RB1: variants seen among roughly 807,000 people sequenced by gnomAD.
RB1 encodes RB transcriptional corepressor 1.
A neutral mutation model predicts 135.4 loss-of-function variants in RB1; 18 were observed. The ratio of observed to expected loss-of-function variants is 0.13; its 90% CI spans 0.09 to 0.20. The LOEUF (loss-of-function observed/expected upper bound fraction) is 0.20, where lower values mean the gene tolerates loss of function less well. Among genes scored for constraint, RB1 ranks in the 10% least tolerant of loss-of-function variants. The pLI is 1.00. For missense variants in RB1, 868 were observed against 1,110.0 expected, an observed-to-expected ratio of 0.78 and a Z score of 3.10; for synonymous variants, 365 against 373.2, an observed-to-expected ratio of 0.98 and a Z score of 0.25.
At chr13:48,437,607 TCA>T (rs1170683411) in intron 17 of RB1, among the ~76,000 whole-genome samples, 1 of 152,208 alleles carries the variant, frequency 6.6e-6, no homozygotes, top group Non-Finnish European at 1.5e-5. Flanking sequence ...TTGGCAGGCC[TCA>T]GTTCTTTGCT....
intron 17 of RB1, among the ~76,000 whole-genome samples, chr13:48,399,731 G>C (rs1948676040): frequency 6.6e-6 from 1 of 151,942 alleles, no homozygotes; most frequent in Non-Finnish European, 1.5e-5. Context: ...TCTTCATCCA[G>C]ATCTGTTTAT....
chr13:48,440,960 C>T (rs1023191734), intron 17 of RB1, among the ~76,000 whole-genome samples: 1 of 152,118 alleles, frequency 6.6e-6, no homozygotes, highest in Non-Finnish European at 1.5e-5. Flanking sequence ...AAAAAAGAAT[C>T]CTGCAGACAT....
At position 48,481,791 on chromosome 13, in the gene RB1, T is replaced by C; in HGVS notation, c.*1720T>C. 1 of 227,604 alleles carries C rather than the reference T, an allele frequency of 4.4e-6. No individual in the cohort carries two copies. Among genetic ancestry groups the C allele is most frequent in the Non-Finnish European group, 8.7e-6 (1 of 114,416 alleles). 14.1% of individuals were successfully genotyped at this position (227,604 alleles called of 1,614,324 possible). On this transcript the variant is annotated 3_prime_UTR_variant, in exon 27 of 27. Transcript: ENST00000267163. ...CAGATATTATTGCTTTATTGCTTTT[T>C]TGTATTGGTTAAAACTGTACATTTA... is the stretch of plus-strand genomic sequence containing the variant.
intron 17 of RB1, among the ~76,000 whole-genome samples, chr13:48,386,041 T>TAA (rs59407273): frequency 0.097 from 12,675 of 130,258 alleles, 1,800 homozygotes; most frequent in African/African-American, 0.3. Context: ...CCCCATCTCT[T>TAA]AAAAAAAAAA....
intron 2 of RB1, among the ~76,000 whole-genome samples, chr13:48,335,968 A>G (rs1443441651): frequency 6.6e-6 from 1 of 152,054 alleles, no homozygotes; most frequent in African/African-American, 2.4e-5. Flanking sequence ...AAACCCCATG[A>G]AAAAGTTGTG....
Position 48,324,078 on chromosome 13 carries a change from A to G in RB1, c.264+16672A>G, listed in dbSNP as rs149348613. Among the ~76,000 whole-genome samples the G allele has an allele frequency of 2.6e-3, 390 of 152,242 alleles. 4 individuals are homozygous for G. The highest frequency in any genetic ancestry group is 9.0e-3 in the African/African-American group (375 of 41,578). On this transcript the variant is annotated intron_variant, in intron 2 of 26. Transcript: ENST00000267163. ...TTTTATTTTTAATTATTATGGAGAC[A>G]TAATAGGTGTACATATTTATGGGAT...
intron 17 of RB1, among the ~76,000 whole-genome samples, chr13:48,397,841 A>C (rs1422686633): frequency 1.3e-5 from 2 of 152,144 alleles, no homozygotes; most frequent in East Asian, 3.8e-4. Context: ...AAGCAAACAC[A>C]AAAGGGAGAA....
At chr13:48,436,830 C>T (rs1167074742) in intron 17 of RB1, among the ~76,000 whole-genome samples, 6 of 152,182 alleles carry the variant, frequency 3.9e-5, no homozygotes, top group East Asian at 3.8e-4. Context: ...TAGAATTTAG[C>T]TTAGGGTGGC....
intron 8 of RB1, 102 bp from the exon 9 acceptor site, chr13:48,364,792 T>G: frequency 7.6e-7 from 1 of 1,315,924 alleles, no homozygotes; most frequent in Non-Finnish European, 1.0e-6. Context: ...TTTTACTGCA[T>G]GGGGGATTGA....
At chr13:48,436,951 A>G (rs17071716) in intron 17 of RB1, among the ~76,000 whole-genome samples, 12,883 of 152,232 alleles carry the variant, frequency 0.085, 1,876 homozygotes, top group African/African-American at 0.29. Context: ...TACTAGCACT[A>G]CTGACTTGTA....
intron 17 of RB1, among the ~76,000 whole-genome samples, chr13:48,431,613 T>A (rs1361545799): frequency 1.3e-5 from 2 of 152,184 alleles, no homozygotes; most frequent in East Asian, 1.9e-4. Context: ...TGTTTTCACA[T>A]GTTTGGAAAA....
rs2138026841 is a variant in RB1, at chr13:48,303,891, G to A, written c.-22G>A. On this transcript the variant is annotated 5_prime_UTR_variant, in exon 1 of 27. Transcript: ENST00000267163. ...CCCGGCGCTCCTCCACAGCTCGCTG[G>A]CTCCCGCCGCGGAAAGGCGTCATGC... 1 of 1,513,960 alleles carries A rather than the reference G, an allele frequency of 6.6e-7. No individual in the cohort carries two copies. The highest frequency in any genetic ancestry group is 1.2e-5 in the South Asian group (1 of 82,004). The allele number at this position is 1,513,960 out of a possible 1,614,324, so 93.8% of individuals were successfully genotyped here.
intron 17 of RB1, among the ~76,000 whole-genome samples, chr13:48,431,667 C>T (rs1034352492): frequency 1.3e-5 from 2 of 152,098 alleles, no homozygotes; most frequent in Non-Finnish European, 2.9e-5. Context: ...AGCACTACTC[C>T]AGAAAGGTTA....
intron 2 of RB1, among the ~76,000 whole-genome samples, chr13:48,313,081 A>G (rs1387807543): frequency 5.9e-5 from 9 of 152,052 alleles, no homozygotes; most frequent in Non-Finnish European, 1.2e-4. Flanking sequence ...GTTGGCCCCC[A>G]ATGCCTGTGT....
intron 2 of RB1, among the ~76,000 whole-genome samples, 154 bp downstream of exon 2, chr13:48,307,560 T>C (rs1299442936): frequency 1.3e-5 from 2 of 151,928 alleles, no homozygotes; most frequent in Non-Finnish European, 2.9e-5. Flanking sequence ...CTGCTAACAT[T>C]AAAAATGTTT....
At chr13:48,385,232 C>T (rs73490879) in intron 17 of RB1, among the ~76,000 whole-genome samples, 1,650 of 152,192 alleles carry the variant, frequency 0.011, 30 homozygotes, top group African/African-American at 0.037. Flanking sequence ...GAAATCTGCT[C>T]ATAATGTAAA....
At chr13:48,357,187 T>A (rs1294525311) in intron 6 of RB1, among the ~76,000 whole-genome samples, 1 of 151,996 alleles carries the variant, frequency 6.6e-6, no homozygotes, top group African/African-American at 2.4e-5. Flanking sequence ...TCTATTCAGC[T>A]AGGTTGTTCT....
intron 6 of RB1, among the ~76,000 whole-genome samples, chr13:48,354,508 C>T (rs1952573964): frequency 6.6e-6 from 1 of 152,072 alleles, no homozygotes; most frequent in African/African-American, 2.4e-5. Flanking sequence ...GTCCATACTA[C>T]CCAAAGCAAT....
At chr13:48,402,532 C>T (rs1049472573) in intron 17 of RB1, among the ~76,000 whole-genome samples, 3 of 151,954 alleles carry the variant, frequency 2.0e-5, no homozygotes, top group African/African-American at 7.2e-5. Flanking sequence ...TGTGAGCCAA[C>T]ACACCCAGCT....
Sources: allele counts gnomAD v4.1 joint callset (sites outside exome capture counted in the v4.1 genomes callset), GRCh38; gene constraint gnomAD v4.1.1; transcripts MANE v1.5; gene names NCBI Gene and HGNC (gene_info 2026-07-23, HGNC 2026-07-21).